The following PCDHA8 variants were observed in gnomAD, a reference collection of about 807,000 sequenced individuals.
PCDHA8 encodes the protein protocadherin alpha 8.
PCDHA8 carries 53 observed loss-of-function variants against 61.8 expected under a neutral mutation model. The ratio of observed to expected loss-of-function variants is 0.86; its 90% CI spans 0.69 to 1.08. The LOEUF is 1.08. Ranked by LOEUF, PCDHA8 falls within the 50% of genes least tolerant of loss-of-function variation. The pLI, the probability that PCDHA8 is intolerant of heterozygous loss-of-function variation, is 0.00. For synonymous variants in PCDHA8, 618 were observed against 556.6 expected (o/e 1.11, Z -1.55); for missense variants, 1,293 against 1,245.0 (o/e 1.04, Z -0.58).
chr5:140,847,230 A>G (rs1780911631), intron 1 of PCDHA8, among the ~76,000 whole-genome samples: 1 of 149,868 alleles, frequency 6.7e-6, no homozygotes, highest in Admixed American at 6.7e-5. Flanking sequence ...GAGCTATTTA[A>G]CTACCTTGAG....
intron 1 of PCDHA8, chr5:140,857,788 GCTGCGGTCGGTGGTTGCGGGT>G: frequency 6.3e-7 from 1 of 1,597,732 alleles, no homozygotes; most frequent in South Asian, 1.1e-5. Flanking sequence ...GTGAGCTGGT[GCTGCGGTCGGTGGTTGCGGGT>G]CACGTGGTGG....
In PCDHA8 at chr5:140,888,611, G is replaced by C. The variant is rs1554183538; in HGVS notation, c.2394+44896G>C. Reference sequence around the variant, plus strand: ...CACATTCAGAGCAGCTTTTAGTGTAGCACTAATTCGGCCTTCTATTACAGC... The same window carrying C: ...CACATTCAGAGCAGCTTTTAGTGTACCACTAATTCGGCCTTCTATTACAGC... On this transcript the variant is annotated intron_variant, in intron 1 of 3. Transcript: ENST00000531613. Among the ~76,000 whole-genome samples the C allele has an allele frequency of 2.0e-5, 3 of 152,144 alleles. No homozygotes were observed. In the East Asian group the frequency reaches 5.8e-4, roughly 29 times the overall value.
At position 140,841,263 on chromosome 5, in the gene PCDHA8, GT is replaced by G. The variant is rs1777118084; in HGVS notation, c.-58del. 6.6e-7 allele frequency: 1 copy of G among 1,521,614 alleles called. No homozygotes were observed. Among genetic ancestry groups the G allele is most frequent in the African/African-American group, 1.4e-5 (1 of 71,770 alleles). 94.3% of individuals were successfully genotyped at this position (1,521,614 alleles called of 1,614,324 possible). A position where few individuals can be genotyped will look rare whatever the true frequency, so the allele number is the denominator to read the frequency against. On this transcript the variant is annotated 5_prime_UTR_variant, in exon 1 of 4. Transcript: ENST00000531613. ...GGAATTGGATTAAAAGACTCTGAAA[GT>G]ACAGTCGTTCATCTTTATATTAAGA...
At chr5:140,879,297 A>G (rs573154436) in intron 1 of PCDHA8, among the ~76,000 whole-genome samples, 1 of 152,346 alleles carries the variant, frequency 6.6e-6, no homozygotes, top group African/African-American at 2.4e-5. Flanking sequence ...TAAGAGAAAA[A>G]CAAAAGTAGA....
At chr5:140,982,688 A>ATACATACATGATTTCCT in intron 3 of PCDHA8, 125 bp downstream of exon 3, 1 of 1,415,764 alleles carries the variant, frequency 7.1e-7, no homozygotes, top group Non-Finnish European at 9.3e-7. Flanking sequence ...CCTTTTTTCC[A>ATACATACATGATTTCCT]TACATACATG....
At chr5:140,978,473 T>C (rs1401475037) in intron 1 of PCDHA8, among the ~76,000 whole-genome samples, 1 of 152,238 alleles carries the variant, frequency 6.6e-6, no homozygotes, top group Non-Finnish European at 1.5e-5. Flanking sequence ...TCAAATATGC[T>C]GCAGTCTGCA....
chr5:140,867,486 A>G (rs2049987159), intron 1 of PCDHA8: 1 of 152,146 alleles, frequency 6.6e-6, no homozygotes, highest in South Asian at 2.1e-4. Context: ...AAGAGTAAAT[A>G]TGAAAAAAGT....
chr5:140,857,394 A>G, intron 1 of PCDHA8: 1 of 1,598,398 alleles, frequency 6.3e-7, no homozygotes, highest in Non-Finnish European at 8.6e-7. Flanking sequence ...GACGTGAACG[A>G]CAACGCGCCT....
intron 1 of PCDHA8, chr5:140,927,487 C>T: frequency 1.2e-6 from 2 of 1,614,142 alleles, no homozygotes; most frequent in Non-Finnish European, 1.7e-6. Context: ...GCGCGCCACC[C>T]ACCTGCTGGT....
chr5:140,928,570 C>G, intron 1 of PCDHA8: 1 of 1,614,196 alleles, frequency 6.2e-7, no homozygotes, highest in Non-Finnish European at 8.5e-7. Flanking sequence ...GTTTCCCTTG[C>G]CCAGAAATGG....
intron 3 of PCDHA8, among the ~76,000 whole-genome samples, chr5:140,994,851 A>C (rs1178274121): frequency 1.3e-5 from 2 of 149,076 alleles, no homozygotes; most frequent in African/African-American, 5.2e-5. Flanking sequence ...AGATGAGTGC[A>C]TTTGATGGAT....
chr5:140,984,692 C>T (rs1252057323), intron 3 of PCDHA8, among the ~76,000 whole-genome samples: 2 of 152,130 alleles, frequency 1.3e-5, no homozygotes, highest in Non-Finnish European at 2.9e-5. Context: ...ATATGTTCTG[C>T]ACTGCTTGGA....
At chr5:140,927,054 C>CT in intron 1 of PCDHA8, 1 of 1,611,076 alleles carries the variant, frequency 6.2e-7, no homozygotes, top group African/African-American at 1.3e-5. Context: ...CCTCGCGGAA[C>CT]TTTCGCTTCC....
chr5:140,908,880 A>C (rs1342304863), intron 1 of PCDHA8, among the ~76,000 whole-genome samples: 1 of 152,204 alleles, frequency 6.6e-6, no homozygotes, highest in Non-Finnish European at 1.5e-5. Context: ...TCCAAAATCC[A>C]ATAGTCCCAA....
At chr5:140,844,980 T>A (rs1294725594) in intron 1 of PCDHA8, among the ~76,000 whole-genome samples, 1 of 149,336 alleles carries the variant, frequency 6.7e-6, no homozygotes, top group African/African-American at 2.5e-5. Flanking sequence ...AGTATTGTTT[T>A]AAATCTTTTA....
intron 1 of PCDHA8, among the ~76,000 whole-genome samples, chr5:140,888,250 G>A (rs2061753546): frequency 6.6e-6 from 1 of 152,128 alleles, no homozygotes; most frequent in African/African-American, 2.4e-5. Flanking sequence ...CTTTAAAGCA[G>A]TAGTTCTTGA....
Position 140,870,063 on chromosome 5 carries a change from G to A in PCDHA8, c.2394+26348G>A. ...ACAAGTTTTATAAAATTGAAGTACA[G>A]GCTACAGATAAGGGGACTCCCCCAA... On this transcript the variant is annotated intron_variant, in intron 1 of 3. Transcript: ENST00000531613. 1.9e-6 allele frequency: 3 copies of A among 1,613,854 alleles called. No homozygotes were observed. The East Asian group carries it at 6.7e-5, about 36-fold the overall frequency.
chr5:140,857,437 G>A (rs1554150030), intron 1 of PCDHA8: 2 of 1,598,552 alleles, frequency 1.3e-6, no homozygotes, highest in East Asian at 4.5e-5. Context: ...CGGTGTTCGT[G>A]AAGGAGAACA....
At chr5:140,856,076 G>T in intron 1 of PCDHA8, 1 of 1,593,874 alleles carries the variant, frequency 6.3e-7, no homozygotes, top group Non-Finnish European at 8.6e-7. Flanking sequence ...CTGCCTGGGG[G>T]TCCAGTGTCT....
Sources: allele counts gnomAD v4.1 joint callset (sites outside exome capture counted in the v4.1 genomes callset), GRCh38; gene constraint gnomAD v4.1.1; transcripts MANE v1.5; gene names NCBI Gene and HGNC (gene_info 2026-07-23, HGNC 2026-07-21).